The following PITPNA variants were observed in gnomAD, a reference collection of about 807,000 sequenced individuals.
PITPNA encodes phosphatidylinositol transfer protein alpha.
PITPNA carries 13 observed loss-of-function variants against 50.3 expected under a neutral mutation model. That is an observed-to-expected ratio of 0.26 (90% CI 0.17 to 0.41). PITPNA has a LOEUF of 0.41. Among genes scored for constraint, PITPNA ranks in the 10% least tolerant of loss-of-function variants. PITPNA has a pLI of 1.00. For missense variants in PITPNA, 207 were observed against 333.4 expected (o/e 0.62, Z 2.95); for synonymous variants, 120 against 119.6 (o/e 1.00, Z -0.02).
rs1376737476 is a variant in PITPNA at position 1,518,707 on chromosome 17, C to CA, written c.*1853dup. 4 of 152,230 alleles carry CA rather than the reference C, an allele frequency of 2.6e-5. No homozygotes were observed. The highest frequency in any genetic ancestry group is 9.7e-5 in the African/African-American group (4 of 41,446). 9.4% of individuals were successfully genotyped at this position (152,230 alleles called of 1,614,324 possible). On this transcript the variant is annotated 3_prime_UTR_variant, in exon 12 of 12. Coordinates refer to ENST00000313486, the MANE Select transcript of PITPNA (RefSeq NM_006224.4). ...ATAGACAACTGTCTGCCTAGAATGT[C>CA]AGTTTGTTTCTTTCAAGATAACCCG...
chr17:1,534,219 T>C lies in PITPNA; in HGVS notation c.648A>G (p.Gln216=), dbSNP rs200617729. ...GGAAGTTTGTAAACAGACGCCTCTCTTGCTATAGAAAGGAGGGAACCACGT... is the reference window on the plus strand; with the variant it reads ...GGAAGTTTGTAAACAGACGCCTCTCCTGCTATAGAAAGGAGGGAACCACGT... ...QNKVENFIHK[Q]ERRLFTNFHR... is the part of the protein sequence containing the mutation. Residue 216 remains glutamine, a splice_region_variant and synonymous_variant, in exon 10 of 12, where the codon CAA becomes CAG. Coordinates refer to ENST00000313486, the MANE Select transcript of PITPNA (RefSeq NM_006224.4). 1.1e-5 allele frequency: 17 copies of C among 1,613,628 alleles called. No individual in the cohort carries two copies. Among genetic ancestry groups the C allele is most frequent in the Middle Eastern group, 3.3e-4 (2 of 6,062 alleles).
At chr17:1,525,744 C>T (rs190447394) in intron 10 of PITPNA, among the ~76,000 whole-genome samples, 3 of 152,134 alleles carry the variant, frequency 2.0e-5, no homozygotes, top group Admixed American at 1.3e-4. Flanking sequence ...TCTTAAACTC[C>T]CAACCTCAGG....
Position 1,562,199 on chromosome 17 carries a change from G to C in PITPNA, c.20+342C>G, listed in dbSNP as rs916149163. ...CTCCGAGGCCCCCGGGGCGCCTGAG[G>C]AGCCGTCCGCCCGGGTTGTCCCTCC... On this transcript the variant is annotated intron_variant, in intron 1 of 11. Transcript: ENST00000313486. This position sits in a 1 kb window ranked among gnomAD's most constrained non-coding sequence, Gnocchi z 6.4. Among the ~76,000 whole-genome samples, 24 of 152,098 alleles carry C rather than the reference G, an allele frequency of 1.6e-4. No homozygotes were observed. Among genetic ancestry groups the C allele is most frequent in the African/African-American group, 5.8e-4 (24 of 41,432 alleles).
intron 2 of PITPNA, among the ~76,000 whole-genome samples, chr17:1,556,881 C>T (rs755137515): frequency 3.9e-5 from 6 of 152,062 alleles, no homozygotes; most frequent in Non-Finnish European, 7.4e-5. Context: ...GGCAGGAGGA[C>T]TACTTGAGGC....
intron 3 of PITPNA, among the ~76,000 whole-genome samples, chr17:1,548,892 T>C (rs1269377767): frequency 5.3e-5 from 8 of 152,166 alleles, no homozygotes; most frequent in Non-Finnish European, 1.2e-4. Context: ...TTTCTTCTAC[T>C]CAATTCTTTT....
chr17:1,536,280 G>GT (rs11358582), intron 7 of PITPNA, among the ~76,000 whole-genome samples: 6,195 of 143,412 alleles, frequency 0.043, 154 homozygotes, highest in Non-Finnish European at 0.063. Context: ...AAGCTGAGAA[G>GT]TTTTTTTTTT....
chr17:1,541,674 T>G (rs1010982537), intron 5 of PITPNA, 34 bp from the exon 6 acceptor site: 1 of 1,389,246 alleles, frequency 7.2e-7, no homozygotes, highest in Non-Finnish European at 1.0e-6. Flanking sequence ...TGAAAGTCAC[T>G]AGGTTCACAG....
At chr17:1,554,390 A>G (rs1425136322) in intron 2 of PITPNA, among the ~76,000 whole-genome samples, 1 of 66,096 alleles carries the variant, frequency 1.5e-5, no homozygotes, top group South Asian at 7.7e-4. Flanking sequence ...GTGTTTCTCT[A>G]TTTTTTTTTT....
intron 2 of PITPNA, among the ~76,000 whole-genome samples, chr17:1,554,364 C>T (rs982494800): frequency 6.7e-6 from 1 of 148,980 alleles, no homozygotes. Flanking sequence ...CTGGCACCCC[C>T]GGGGGGAAGA....
At chr17:1,550,283 G>A (rs866950289) in intron 3 of PITPNA, among the ~76,000 whole-genome samples, 28 of 152,298 alleles carry the variant, frequency 1.8e-4, no homozygotes, top group Middle Eastern at 3.4e-3. Flanking sequence ...GCCATAATGC[G>A]GTGGGCACAG....
intron 2 of PITPNA, among the ~76,000 whole-genome samples, chr17:1,554,390 ATTTTTTTTTTTTTT>A (rs61238602): frequency 1.2e-4 from 8 of 66,092 alleles, no homozygotes; most frequent in Non-Finnish European, 2.3e-4. Flanking sequence ...GTGTTTCTCT[ATTTTTTTTTTTTTT>A]TTTTTTTTTT....
intron 4 of PITPNA, among the ~76,000 whole-genome samples, chr17:1,544,639 T>C (rs1355148914): frequency 1.3e-5 from 2 of 152,218 alleles, no homozygotes; most frequent in Non-Finnish European, 2.9e-5. Flanking sequence ...TAATAAGGCA[T>C]TTTAAATGCA....
chr17:1,555,450 C>T (rs1027929266), intron 2 of PITPNA, among the ~76,000 whole-genome samples: 1 of 152,102 alleles, frequency 6.6e-6, no homozygotes, highest in Non-Finnish European at 1.5e-5. Flanking sequence ...CAGCCAGACT[C>T]GGATGGGGCA....
At chr17:1,526,606 G>A (rs968823962) in intron 10 of PITPNA, among the ~76,000 whole-genome samples, 1 of 152,060 alleles carries the variant, frequency 6.6e-6, no homozygotes, top group African/African-American at 2.4e-5. Flanking sequence ...TACACATGCT[G>A]AGAGTTCACC....
At chr17:1,545,917 CTTT>C (rs11322049) in intron 4 of PITPNA, among the ~76,000 whole-genome samples, 17 of 86,364 alleles carry the variant, frequency 2.0e-4, no homozygotes, top group African/African-American at 3.9e-4. Context: ...TGCATACTGC[CTTT>C]TTTTTTTTTT....
chr17:1,557,744 C>G (rs527674241), intron 2 of PITPNA, among the ~76,000 whole-genome samples: 77 of 152,236 alleles, frequency 5.1e-4, no homozygotes, highest in Non-Finnish European at 8.7e-4. Context: ...CAAGCCAAGC[C>G]TATGTGTTAT....
intron 5 of PITPNA, 86 bp downstream of exon 5, chr17:1,542,934 C>A (rs1031578581): frequency 9.8e-7 from 1 of 1,018,938 alleles, no homozygotes; most frequent in African/African-American, 1.6e-5. Context: ...AGGGAAAGAA[C>A]ACCCAAGACC....
At chr17:1,531,375 C>T (rs775216187) in intron 10 of PITPNA, among the ~76,000 whole-genome samples, 1 of 151,990 alleles carries the variant, frequency 6.6e-6, no homozygotes, top group Non-Finnish European at 1.5e-5. Context: ...GAGGTTCCCC[C>T]CACTGTAACT....
chr17:1,528,461 AC>A (rs1319134916), intron 10 of PITPNA, among the ~76,000 whole-genome samples: 1 of 152,164 alleles, frequency 6.6e-6, no homozygotes, highest in Non-Finnish European at 1.5e-5. Flanking sequence ...TAAAAAGAAA[AC>A]AGGGCCAGGT....
Sources: allele counts gnomAD v4.1 joint callset (sites outside exome capture counted in the v4.1 genomes callset), GRCh38; gene constraint gnomAD v4.1.1; non-coding constraint Gnocchi (gnomAD v3.1); transcripts MANE v1.5; gene names NCBI Gene and HGNC (gene_info 2026-07-23, HGNC 2026-07-21).